The following NR2C1 variants were observed in gnomAD, a reference collection of about 807,000 sequenced individuals.
NR2C1 encodes TR2 nuclear hormone receptor.
Under a neutral mutation model 74.8 loss-of-function variants are expected in NR2C1, and 33 were observed. The ratio of observed to expected loss-of-function variants is 0.44; its 90% CI spans 0.33 to 0.59. The LOEUF (loss-of-function observed/expected upper bound fraction) is 0.59, where lower values mean the gene tolerates loss of function less well. Among genes scored for constraint, NR2C1 ranks in the 20% least tolerant of loss-of-function variants. NR2C1 has a pLI of 0.02. For synonymous variants in NR2C1, 225 were observed against 240.6 expected, an observed-to-expected ratio of 0.94 and a Z score of 0.60; for missense variants, 568 against 715.6, an observed-to-expected ratio of 0.79 and a Z score of 2.35.
chr12:95,037,742 A>C (rs1222157681), intron 10 of NR2C1, among the ~76,000 whole-genome samples: 1 of 152,072 alleles, frequency 6.6e-6, no homozygotes, highest in African/African-American at 2.4e-5. Flanking sequence ...AAAAATACAA[A>C]AAATTAGCCG....
chr12:95,058,357 T>C lies in NR2C1; in HGVS notation c.497A>G (p.Gln166Arg). The change falls in exon 5 of 14, where the codon CAA becomes CGA. Residue 166 changes from glutamine to arginine, a missense_variant. Physicochemically the swap from Gln to Arg is conservative, Grantham distance 43 (BLOSUM62 1). This residue lies in a region of NR2C1 where 44 missense variants were observed against 95.6 expected (regional missense o/e 0.46). Coordinates refer to ENST00000333003, the MANE Select transcript of NR2C1 (RefSeq NM_003297.4). Reference sequence around the variant, plus strand: ...AATACATCTCTGTAACCTGCAGTATTGACAGCGGTTTCGGTGGTGCTTATT... The same window carrying C: ...AATACATCTCTGTAACCTGCAGTATCGACAGCGGTTTCGGTGGTGCTTATT... The part of the protein sequence containing the change: ...IINKHHRNRC[Q>R]YCRLQRCIAF... The C allele has an allele frequency of 6.2e-7, 1 of 1,613,842 alleles. No homozygotes were observed. The highest frequency in any genetic ancestry group is 8.5e-7 in the Non-Finnish European group (1 of 1,180,000).
chr12:95,058,330 G>C lies in NR2C1; in HGVS notation c.524C>G (p.Ala175Gly), dbSNP rs1386562663. The C allele has an allele frequency of 6.2e-7, 1 of 1,610,610 alleles. No homozygotes were observed. The highest frequency in any genetic ancestry group is 8.5e-7 in the Non-Finnish European group (1 of 1,179,384). ...CATACAGTCTTGCTTCATTCCAAACGCAATACATCTCTGTAACCTGCAGTA... is the reference window on the plus strand; with the variant it reads ...CATACAGTCTTGCTTCATTCCAAACCCAATACATCTCTGTAACCTGCAGTA... ...CQYCRLQRCI[A>G]FGMKQDSVQC... The change falls in exon 5 of 14, where the codon GCG (alanine) becomes GGG (glycine). Residue 175 changes from alanine (A) to glycine (G), a missense_variant. Coordinates refer to ENST00000333003, the MANE Select transcript of NR2C1 (RefSeq NM_003297.4).
intron 9 of NR2C1, among the ~76,000 whole-genome samples, chr12:95,044,826 G>C (rs1036484314): frequency 6.6e-6 from 1 of 152,300 alleles, no homozygotes; most frequent in African/African-American, 2.4e-5. Context: ...AGGTTGCAGT[G>C]AGTCGCGATC....
At chr12:95,040,148 C>T (rs1249047947) in intron 10 of NR2C1, among the ~76,000 whole-genome samples, 2 of 147,528 alleles carry the variant, frequency 1.4e-5, no homozygotes, top group East Asian at 2.0e-4. Context: ...GAAACAAGAA[C>T]CTAGGGCAGT....
chr12:95,033,620 A>G (rs1479682871), intron 10 of NR2C1, among the ~76,000 whole-genome samples: 1 of 152,102 alleles, frequency 6.6e-6, no homozygotes, highest in Non-Finnish European at 1.5e-5. Flanking sequence ...TTTCCTGGCT[A>G]ATACCTACTG....
intron 9 of NR2C1, among the ~76,000 whole-genome samples, chr12:95,041,223 C>T (rs745381055): frequency 6.6e-6 from 1 of 152,066 alleles, no homozygotes; most frequent in Non-Finnish European, 1.5e-5. Flanking sequence ...TGTGGTGGCT[C>T]GTGCCTATAA....
intron 13 of NR2C1, among the ~76,000 whole-genome samples, chr12:95,024,456 G>A (rs1014824731): frequency 2.0e-5 from 3 of 152,112 alleles, no homozygotes; most frequent in East Asian, 1.9e-4. Context: ...TTAACCCCTC[G>A]GCTATAATAT....
intron 11 of NR2C1, among the ~76,000 whole-genome samples, chr12:95,031,059 A>G (rs1320774384): frequency 6.6e-6 from 1 of 152,242 alleles, no homozygotes; most frequent in African/African-American, 2.4e-5. Context: ...CCACCTCTAC[A>G]TAAGCTCACC....
intron 9 of NR2C1, among the ~76,000 whole-genome samples, chr12:95,046,225 C>G (rs752181129): frequency 7.1e-4 from 108 of 152,256 alleles, no homozygotes; most frequent in Non-Finnish European, 1.3e-3. Flanking sequence ...TCCCTACTAC[C>G]AAGATTGCTT....
intron 7 of NR2C1, among the ~76,000 whole-genome samples, chr12:95,055,542 T>C (rs146965181): frequency 2.6e-5 from 4 of 152,212 alleles, no homozygotes; most frequent in African/African-American, 9.6e-5. Flanking sequence ...ATATAGCTAG[T>C]AAGTGGTAGA....
rs1459184436 is a variant in NR2C1, at chr12:95,027,503, G to A, written c.1531+884C>T. The stretch of plus-strand genomic sequence containing the variant: ...TGTAATCCCAGCACTTTGGGAGGCC[G>A]AGGCGGGTAGATCACCTTAGGTCAG... On this transcript the variant is annotated intron_variant, in intron 12 of 13. Transcript: ENST00000333003. Among the ~76,000 whole-genome samples, 10 of 152,102 alleles carry A rather than the reference G, an allele frequency of 6.6e-5. No homozygotes were observed. The South Asian group carries it at 1.0e-3, about 16-fold the overall frequency.
chr12:95,062,790 G>T, intron 2 of NR2C1, 52 bp from the exon 3 acceptor site: 1 of 1,364,580 alleles, frequency 7.3e-7, no homozygotes, highest in South Asian at 1.2e-5. Flanking sequence ...TTTCTTTAAT[G>T]ACACAATTAT....
chr12:95,066,758 CAT>C (rs1266417103), intron 2 of NR2C1, among the ~76,000 whole-genome samples: 6 of 152,196 alleles, frequency 3.9e-5, no homozygotes, highest in Admixed American at 2.0e-4. Flanking sequence ...AGTATCATCA[CAT>C]GTCACACAGT....
intron 11 of NR2C1, chr12:95,030,484 C>A: frequency 6.5e-7 from 1 of 1,534,190 alleles, no homozygotes; most frequent in South Asian, 1.3e-5. Context: ...ATTAGTCAAC[C>A]ATAGCTTTCC....
rs775611986 is a variant in NR2C1 at position 95,064,283 on chromosome 12, C to T, written c.55-1545G>A. On this transcript the variant is annotated intron_variant, in intron 2 of 13. Transcript: ENST00000333003. ...GGCGGAGGTTGCAGTGAGCTGAGAT[C>T]GCGCCAATGCACTCCAGCCTGGGTG... 4.8e-5 allele frequency among the ~76,000 whole-genome samples: 7 copies of T among 144,654 alleles called. No individual in the cohort carries two copies. The South Asian group carries it at 6.5e-4, about 14-fold the overall frequency. 94.9% of individuals were successfully genotyped at this position (144,654 alleles called of 152,430 possible).
chr12:95,043,698 A>AAAAAAAAAAAAAAAAAAAAAAAAAAAAC (rs1871911330), intron 9 of NR2C1, among the ~76,000 whole-genome samples: 1 of 151,808 alleles, frequency 6.6e-6, no homozygotes, highest in Non-Finnish European at 1.5e-5. Context: ...TCAAAAAAAA[A>AAAAAAAAAAAAAAAAAAAAAAAAAAAAC]AAAAATCCTT....
At chr12:95,065,875 GGGAGGC>G (rs1375378849) in intron 2 of NR2C1, among the ~76,000 whole-genome samples, 3 of 151,794 alleles carry the variant, frequency 2.0e-5, no homozygotes, top group Non-Finnish European at 2.9e-5. Flanking sequence ...CATTGAACCA[GGGAGGC>G]GGAGGTTGCA....
intron 9 of NR2C1, among the ~76,000 whole-genome samples, chr12:95,044,567 T>A (rs1461258959): frequency 1.3e-5 from 2 of 151,928 alleles, no homozygotes; most frequent in Admixed American, 6.6e-5. Context: ...CGAGCCACCC[T>A]GCCCAGCCGA....
intron 3 of NR2C1, among the ~76,000 whole-genome samples, chr12:95,061,017 T>C (rs893526402): frequency 8.5e-5 from 13 of 152,234 alleles, no homozygotes; most frequent in Admixed American, 1.3e-4. Context: ...TTATCTATTA[T>C]TCCTAAGTCT....
Sources: allele counts gnomAD v4.1 joint callset (sites outside exome capture counted in the v4.1 genomes callset), GRCh38; gene constraint gnomAD v4.1.1; regional missense constraint gnomAD v4.1.1; transcripts MANE v1.5; gene names NCBI Gene and HGNC (gene_info 2026-07-23, HGNC 2026-07-21).